ITGA8: variants seen among roughly 807,000 people sequenced by gnomAD.
The protein encoded by ITGA8 is integrin alpha-8.
Under a neutral mutation model 142.3 loss-of-function variants are expected in ITGA8, and 91 were observed. The observed-to-expected ratio is 0.64, with a 90% CI of 0.54 to 0.76. The LOEUF is 0.76. ITGA8 is among the 30% of genes least tolerant of loss of function. ITGA8 has a pLI of 0.00. For missense variants in ITGA8, 1,406 were observed against 1,327.7 expected (o/e 1.06, Z -0.92); for synonymous variants, 505 against 485.2 (o/e 1.04, Z -0.54).
intron 8 of ITGA8, among the ~76,000 whole-genome samples, chr10:15,662,176 C>T (rs544137375): frequency 1.3e-5 from 2 of 152,202 alleles, no homozygotes; most frequent in Non-Finnish European, 2.9e-5. Context: ...AAAGATCCTC[C>T]TAATTTTTTA....
At chr10:15,668,658 T>C (rs1018260779) in intron 8 of ITGA8, among the ~76,000 whole-genome samples, 17 of 152,020 alleles carry the variant, frequency 1.1e-4, no homozygotes, top group African/African-American at 7.3e-5. Context: ...TGGCTGGTAC[T>C]GGTTGTTCCT....
chr10:15,600,488 G>A (rs1833085280), intron 20 of ITGA8, among the ~76,000 whole-genome samples: 1 of 152,200 alleles, frequency 6.6e-6, no homozygotes, highest in Non-Finnish European at 1.5e-5. Context: ...GCTGGAACAA[G>A]CTCTCCGTGT....
chr10:15,613,554 A>G lies in ITGA8; in HGVS notation c.1553+106T>C, dbSNP rs183453292. 17 of 829,066 alleles carry G rather than the reference A, an allele frequency of 2.1e-5. No individual in the cohort carries two copies. In the African/African-American group the frequency reaches 2.4e-4, roughly 12 times the overall value. The allele number at this position is 829,066 out of a possible 1,614,324, so 51.4% of individuals were successfully genotyped here. ...TGAAGCTTTTTTCGAGAAATGCAAAATCTAGGCCCTACCCCAGACTTACTG... is the reference window on the plus strand; with the variant it reads ...TGAAGCTTTTTTCGAGAAATGCAAAGTCTAGGCCCTACCCCAGACTTACTG... On this transcript the variant is annotated intron_variant, in intron 15 of 29. Coordinates refer to ENST00000378076, the MANE Select transcript of ITGA8 (RefSeq NM_003638.3).
chr10:15,661,092 T>C (rs533848255), intron 8 of ITGA8, among the ~76,000 whole-genome samples, 170 bp from the exon 9 acceptor site: 2 of 152,288 alleles, frequency 1.3e-5, no homozygotes, highest in East Asian at 1.9e-4. Context: ...CTGTGGCCTG[T>C]TGGGAGCCCG....
Position 15,575,592 on chromosome 10 carries a change from A to G in ITGA8, c.2375T>C (p.Val792Ala). 1 of 1,611,612 alleles carries G rather than the reference A, an allele frequency of 6.2e-7. No homozygotes were observed. The highest frequency in any genetic ancestry group is 8.5e-7 in the Non-Finnish European group (1 of 1,177,852). Reference protein sequence around the residue: ...TAVAQVEIRGVSHPPQIVLPI... With the variant: ...TAVAQVEIRGASHPPQIVLPI... Reference sequence around the variant, plus strand: ...CAGAACAATCTGCGGAGGGTGTGACACTCTGAAACATGAAATGTCCTGTTA... The same window carrying G: ...CAGAACAATCTGCGGAGGGTGTGACGCTCTGAAACATGAAATGTCCTGTTA... Residue 792 changes from valine to alanine, a missense_variant and splice_region_variant, in exon 24 of 30, where the codon GTG (valine) becomes GCG (alanine). By Grantham distance (64) the Val-to-Ala change is moderately conservative. Coordinates refer to ENST00000378076, the MANE Select transcript of ITGA8 (RefSeq NM_003638.3).
At position 15,671,633 on chromosome 10, in the gene ITGA8, C is replaced by A. The variant is rs747478136; in HGVS notation, c.817G>T (p.Ala273Ser). ...DDSYLGYSVA[A>S]GEFTGDSQQE... ...TGAGAATCCCCAGTAAACTCCCCAG[C>A]AGCAACTGAGTATCCTGTTTTAAAG... The change falls in exon 8 of 30, where the codon GCT (alanine) becomes TCT (serine). Residue 273 changes from alanine (A) to serine (S), a missense_variant. Coordinates refer to ENST00000378076, the MANE Select transcript of ITGA8 (RefSeq NM_003638.3). 6.2e-7 allele frequency: 1 copy of A among 1,612,632 alleles called. No individual in the cohort carries two copies. The highest frequency in any genetic ancestry group is 8.5e-7 in the Non-Finnish European group (1 of 1,178,810).
At chr10:15,608,055 C>T (rs1833228009) in intron 16 of ITGA8, among the ~76,000 whole-genome samples, 180 bp downstream of exon 16, 1 of 152,048 alleles carries the variant, frequency 6.6e-6, no homozygotes, top group Non-Finnish European at 1.5e-5. Flanking sequence ...ATTATATGTT[C>T]TTATAAATAA....
At chr10:15,561,769 G>A (rs1379373133) in intron 25 of ITGA8, among the ~76,000 whole-genome samples, 2 of 152,172 alleles carry the variant, frequency 1.3e-5, no homozygotes, top group Non-Finnish European at 2.9e-5. Flanking sequence ...AGGGGCATGT[G>A]GAAGGGTGGG....
intron 8 of ITGA8, among the ~76,000 whole-genome samples, chr10:15,665,548 T>C (rs1438965963): frequency 7.5e-6 from 1 of 133,344 alleles, no homozygotes; most frequent in African/African-American, 2.6e-5. Context: ...ATTTTGGCTT[T>C]TGTTGCCATT....
chr10:15,549,061 AT>A (rs1403841456), intron 26 of ITGA8, among the ~76,000 whole-genome samples: 2 of 152,108 alleles, frequency 1.3e-5, no homozygotes, highest in Non-Finnish European at 2.9e-5. Flanking sequence ...TCATTAGGCT[AT>A]TTTTTAATAG....
intron 13 of ITGA8, among the ~76,000 whole-genome samples, chr10:15,631,748 A>C (rs1833689282): frequency 1.3e-5 from 2 of 149,872 alleles, no homozygotes; most frequent in East Asian, 2.0e-4. Flanking sequence ...GGCCAAGAGG[A>C]CTCTATGGCA....
chr10:15,527,570 T>C (rs1833198652), intron 28 of ITGA8, among the ~76,000 whole-genome samples: 1 of 152,192 alleles, frequency 6.6e-6, no homozygotes. Context: ...ATCTTTCCCT[T>C]GTCTCCGGAC....
In ITGA8 at chr10:15,672,872, C is replaced by T. The variant is rs1442568865; in HGVS notation, c.677-123G>A. ...TTGCTTTTTTGATGATGAATTTTCC[C>T]GCCTGCCGCTCAAACTCCAAGGCAG... On this transcript the variant is annotated intron_variant, in intron 6 of 29. Coordinates refer to ENST00000378076, the MANE Select transcript of ITGA8 (RefSeq NM_003638.3). 13 of 1,071,770 alleles carry T rather than the reference C, an allele frequency of 1.2e-5. No individual in the cohort carries two copies. The Admixed American group carries it at 1.9e-4, about 15-fold the overall frequency. The allele number at this position is 1,071,770 out of a possible 1,614,324, so 66.4% of individuals were successfully genotyped here.
chr10:15,615,339 T>C (rs981445415), intron 14 of ITGA8, among the ~76,000 whole-genome samples: 6 of 152,226 alleles, frequency 3.9e-5, no homozygotes, highest in African/African-American at 1.4e-4. Flanking sequence ...TCTCTGAGTT[T>C]GTCTTGGGAC....
chr10:15,566,396 CTT>C lies in ITGA8; in HGVS notation c.2637+5813_2637+5814del, dbSNP rs368457925. On this transcript the variant is annotated intron_variant, in intron 25 of 29. Coordinates refer to ENST00000378076, the MANE Select transcript of ITGA8 (RefSeq NM_003638.3). ...TGGGCCCCAAATGGTGTTCCATAGT[CTT>C]AACATAGGTTATATGTGGGCATCTT... Among the ~76,000 whole-genome samples the C allele has an allele frequency of 2.6e-3, 401 of 152,304 alleles. 2 individuals carry two copies. The highest frequency in any genetic ancestry group is 8.3e-3 in the African/African-American group (347 of 41,582).
chr10:15,653,831 C>CTTTT (rs111283505), intron 11 of ITGA8, among the ~76,000 whole-genome samples: 1 of 130,014 alleles, frequency 7.7e-6, no homozygotes. Context: ...TTTCTTTTTT[C>CTTTT]TTTTTTTTTT....
At chr10:15,532,462 C>T (rs2131543442) in intron 27 of ITGA8, among the ~76,000 whole-genome samples, 1 of 143,974 alleles carries the variant, frequency 6.9e-6, no homozygotes, top group South Asian at 2.2e-4. Context: ...TAGTTACAGC[C>T]AGTTGTCCCC....
At chr10:15,610,738 G>T (rs533727747) in intron 15 of ITGA8, among the ~76,000 whole-genome samples, 53 of 152,222 alleles carry the variant, frequency 3.5e-4, no homozygotes, top group African/African-American at 1.2e-3. Flanking sequence ...AAAGTACAAA[G>T]CAATTCATTT....
intron 2 of ITGA8, among the ~76,000 whole-genome samples, chr10:15,712,441 A>C (rs1296838813): frequency 6.6e-6 from 1 of 151,968 alleles, no homozygotes. Flanking sequence ...ACAAAACAAA[A>C]AATCACACAA....
Sources: allele counts gnomAD v4.1 joint callset (sites outside exome capture counted in the v4.1 genomes callset), GRCh38; gene constraint gnomAD v4.1.1; transcripts MANE v1.5; gene names NCBI Gene and HGNC (gene_info 2026-07-23, HGNC 2026-07-21).